NR6A1: variants seen among roughly 807,000 people sequenced by gnomAD.
NR6A1 encodes the protein nuclear receptor subfamily 6 group A member 1, also known as retinoic acid receptor-related testis-associated receptor.
Under a neutral mutation model 59.1 loss-of-function variants are expected in NR6A1, and 7 were observed. That is an observed-to-expected ratio of 0.12 (90% CI 0.07 to 0.22). NR6A1 has a LOEUF of 0.22. NR6A1 is among the 10% of genes least tolerant of loss of function. NR6A1 has a pLI of 1.00. For synonymous variants in NR6A1, 243 were observed against 236.1 expected (o/e 1.03, Z -0.27); for missense variants, 468 against 611.6 (o/e 0.77, Z 2.48).
chr9:124,584,020 G>C (rs1480376442), intron 2 of NR6A1, among the ~76,000 whole-genome samples: 1 of 151,794 alleles, frequency 6.6e-6, no homozygotes, highest in East Asian at 1.9e-4. Context: ...TCAATACCAA[G>C]CACAGAGCAA....
chr9:124,617,273 C>T (rs1005572613), intron 2 of NR6A1, among the ~76,000 whole-genome samples: 10 of 152,316 alleles, frequency 6.6e-5, no homozygotes, highest in South Asian at 6.2e-4. Flanking sequence ...TGAAGATTCC[C>T]GGGTGGCCCT....
At chr9:124,699,389 G>C (rs1468362302) in intron 2 of NR6A1, among the ~76,000 whole-genome samples, 1 of 152,130 alleles carries the variant, frequency 6.6e-6, no homozygotes, top group South Asian at 2.1e-4. Flanking sequence ...ATTCACTCTA[G>C]GTCCATCAGT....
intron 7 of NR6A1, 66 bp from the exon 8 acceptor site, chr9:124,526,966 AGAG>A (rs1402025843): frequency 7.5e-6 from 12 of 1,594,010 alleles, no homozygotes; most frequent in Non-Finnish European, 2.6e-6. Context: ...AAGGGCAGCC[AGAG>A]AGCTCCTACA....
At chr9:124,765,376 A>C (rs1339451722) in intron 1 of NR6A1, among the ~76,000 whole-genome samples, 2 of 152,240 alleles carry the variant, frequency 1.3e-5, no homozygotes, top group Non-Finnish European at 2.9e-5. Flanking sequence ...AAATTTTTAA[A>C]GCAAAAAAAT....
At chr9:124,738,032 G>A (rs1029648587) in intron 1 of NR6A1, among the ~76,000 whole-genome samples, 1 of 152,136 alleles carries the variant, frequency 6.6e-6, no homozygotes, top group Non-Finnish European at 1.5e-5. Context: ...GAGGTGGGCA[G>A]ATCACGAGGC....
At chr9:124,650,726 T>C (rs1267427104) in intron 2 of NR6A1, among the ~76,000 whole-genome samples, 4 of 152,202 alleles carry the variant, frequency 2.6e-5, no homozygotes, top group African/African-American at 9.6e-5. Context: ...TATATATCAA[T>C]TGAAGTAACA....
intron 2 of NR6A1, among the ~76,000 whole-genome samples, chr9:124,678,258 C>T (rs946889013): frequency 2.0e-5 from 3 of 152,124 alleles, no homozygotes; most frequent in Non-Finnish European, 4.4e-5. Context: ...CGGTCTTAGC[C>T]CCAGTATATA....
chr9:124,694,328 A>G (rs1838671045), intron 2 of NR6A1, among the ~76,000 whole-genome samples: 1 of 152,164 alleles, frequency 6.6e-6, no homozygotes, highest in Non-Finnish European at 1.5e-5. Context: ...GCTCATTTTT[A>G]CCTATTGTTC....
intron 2 of NR6A1, among the ~76,000 whole-genome samples, chr9:124,643,042 T>G (rs1836811128): frequency 7.1e-6 from 1 of 140,218 alleles, no homozygotes. Context: ...TGATTTTAGC[T>G]TTATCTAGCA....
In NR6A1 at chr9:124,635,226, C is replaced by T. The variant is rs115347555; in HGVS notation, c.143-80656G>A. ...CGACTTTTTACTATCTCTAGTTTTT[C>T]CTTCTCCAGAATGTCATATAGTTGG... On this transcript the variant is annotated intron_variant, in intron 2 of 9. Transcript: ENST00000487099. Among the ~76,000 whole-genome samples, 736 of 152,252 alleles carry T rather than the reference C, an allele frequency of 4.8e-3. 2 individuals are homozygous for T. Among genetic ancestry groups the T allele is most frequent in the Middle Eastern group, 0.027 (8 of 294 alleles).
intron 2 of NR6A1, among the ~76,000 whole-genome samples, chr9:124,692,151 T>C (rs1456782990): frequency 1.3e-5 from 2 of 152,218 alleles, no homozygotes; most frequent in African/African-American, 2.4e-5. Context: ...CCCCAATATA[T>C]GTTAATCTCT....
At chr9:124,642,297 A>G (rs1398618964) in intron 2 of NR6A1, among the ~76,000 whole-genome samples, 1 of 152,132 alleles carries the variant, frequency 6.6e-6, no homozygotes, top group Non-Finnish European at 1.5e-5. Context: ...TGATCCGCCC[A>G]CCTTGGCCTC....
chr9:124,550,106 T>C (rs1833726328), intron 3 of NR6A1, among the ~76,000 whole-genome samples: 1 of 152,186 alleles, frequency 6.6e-6, no homozygotes, highest in Admixed American at 6.5e-5. Flanking sequence ...TACCTCTCTG[T>C]GTGTGTATAT....
At chr9:124,562,454 A>G (rs981835642) in intron 2 of NR6A1, among the ~76,000 whole-genome samples, 4 of 151,740 alleles carry the variant, frequency 2.6e-5, no homozygotes, top group Non-Finnish European at 5.9e-5. Context: ...AGGGTTCATT[A>G]TGTCGCCTAG....
intron 1 of NR6A1, among the ~76,000 whole-genome samples, chr9:124,764,349 C>G (rs1043121448): frequency 6.6e-6 from 1 of 152,088 alleles, no homozygotes; most frequent in Non-Finnish European, 1.5e-5. Context: ...CACAGGAAAT[C>G]TAATCAATCA....
At chr9:124,658,411 T>C (rs912342803) in intron 2 of NR6A1, 1 of 152,204 alleles carries the variant, frequency 6.6e-6, no homozygotes, top group Non-Finnish European at 1.5e-5. Flanking sequence ...GGGTCATATA[T>C]AGTTCAATGC....
In NR6A1 at chr9:124,605,320, T is replaced by A. The variant is rs570935874; in HGVS notation, c.143-50750A>T. 2.3e-4 allele frequency among the ~76,000 whole-genome samples: 35 copies of A among 152,258 alleles called. No individual in the cohort carries two copies. The South Asian group carries it at 7.0e-3, about 31-fold the overall frequency. The stretch of plus-strand genomic sequence containing the variant: ...GAGAAAATCTACAGATTAGGAAAAC[T>A]AACCTGGGCAACAAAGTGAGATCCA... On this transcript the variant is annotated intron_variant, in intron 2 of 9. Coordinates refer to ENST00000487099, the MANE Select transcript of NR6A1 (RefSeq NM_033334.4).
At chr9:124,577,697 T>C (rs112282951) in intron 2 of NR6A1, among the ~76,000 whole-genome samples, 1 of 152,368 alleles carries the variant, frequency 6.6e-6, no homozygotes, top group South Asian at 2.1e-4. Flanking sequence ...CACTCAGTGG[T>C]TGCTATTCTG....
intron 2 of NR6A1, among the ~76,000 whole-genome samples, chr9:124,556,912 TGTCTC>T (rs1453376104): frequency 6.6e-6 from 1 of 151,996 alleles, no homozygotes; most frequent in Non-Finnish European, 1.5e-5. Flanking sequence ...TATTAAGACT[TGTCTC>T]AAGTCAGCTG....
Sources: gnomAD v4.1 joint callset for allele counts (sites outside exome capture counted in the v4.1 genomes callset) on GRCh38, gnomAD v4.1.1 for gene constraint, MANE v1.5 for transcripts, NCBI Gene and HGNC (gene_info 2026-07-23, HGNC 2026-07-21) for gene names.